Variants in MYO9A observed in about 807,000 individuals in gnomAD.
MYO9A encodes the protein myosin IXA, also known as unconventional myosin-IXa.
In MYO9A, 103 loss-of-function variants were observed where a neutral mutation model predicts 293.3. The observed-to-expected ratio is 0.35, with a 90% CI of 0.30 to 0.41. The LOEUF is 0.41. MYO9A is among the 10% of genes least tolerant of loss of function. MYO9A has a pLI of 1.00. For synonymous variants in MYO9A, 1,001 were observed against 1,035.7 expected, an observed-to-expected ratio of 0.97 and a Z score of 0.64; for missense variants, 2,685 against 3,033.0, an observed-to-expected ratio of 0.89 and a Z score of 2.69.
intron 11 of MYO9A, among the ~76,000 whole-genome samples, chr15:71,989,263 G>A (rs770947042): frequency 2.0e-5 from 3 of 151,646 alleles, no homozygotes; most frequent in African/African-American, 7.3e-5. Context: ...ACCCATCTTG[G>A]TCTCTCCATA....
chr15:72,084,145 T>C (rs890114100), intron 1 of MYO9A, among the ~76,000 whole-genome samples: 5 of 152,234 alleles, frequency 3.3e-5, no homozygotes, highest in African/African-American at 1.2e-4. Context: ...TGAAGGTCTC[T>C]GAGAACTTGC....
intron 1 of MYO9A, among the ~76,000 whole-genome samples, chr15:72,070,452 C>CAAA (rs75023888): frequency 1.0e-5 from 1 of 97,524 alleles, no homozygotes; most frequent in Non-Finnish European, 2.2e-5. Flanking sequence ...GACTCTGCCT[C>CAAA]AAAAAAAAAA....
chr15:71,999,391 C>CA (rs1244168245), intron 9 of MYO9A, among the ~76,000 whole-genome samples: 5 of 151,476 alleles, frequency 3.3e-5, no homozygotes, highest in Admixed American at 2.0e-4. Context: ...GAAGAAGAAA[C>CA]AAAGACTGCG....
intron 1 of MYO9A, among the ~76,000 whole-genome samples, chr15:72,082,988 T>G (rs2079598950): frequency 6.6e-6 from 1 of 151,682 alleles, no homozygotes; most frequent in African/African-American, 2.4e-5. Context: ...CAATTTTTTT[T>G]GTTGTGTCTC....
chr15:72,101,205 C>T (rs2080296440), intron 1 of MYO9A, among the ~76,000 whole-genome samples: 1 of 130,634 alleles, frequency 7.7e-6, no homozygotes, highest in Non-Finnish European at 1.7e-5. Context: ...AGTGAGGAGC[C>T]CCTCTGCCCG....
chr15:72,043,640 C>G (rs765408322), intron 2 of MYO9A, among the ~76,000 whole-genome samples: 2 of 152,132 alleles, frequency 1.3e-5, no homozygotes, highest in Non-Finnish European at 2.9e-5. Context: ...AAAATGCATA[C>G]TAATCTACAG....
Position 72,118,105 on chromosome 15 carries a change from C to T in MYO9A, c.-497G>A. On this transcript the variant is annotated 5_prime_UTR_variant, in exon 1 of 42. Transcript: ENST00000356056. ...GCGCCCCCGACCCCGCGCACGCGGC[C>T]CCGCCCCGCGCGACTCCCCGGCTGC... The T allele has an allele frequency of 2.6e-6, 1 of 390,400 alleles. No homozygotes were observed. The highest frequency in any genetic ancestry group is 4.5e-6 in the Non-Finnish European group (1 of 220,926). The allele number at this position is 390,400 out of a possible 1,614,324, so 24.2% of individuals were successfully genotyped here.
rs549580101 is a variant in MYO9A at position 71,827,935 on chromosome 15, T to A, written c.7132A>T (p.Ser2378Cys). 12 of 1,613,914 alleles carry A rather than the reference T, an allele frequency of 7.4e-6. No individual in the cohort carries two copies. The South Asian group carries it at 1.3e-4, about 18-fold the overall frequency. ...GACTCCATATTCAAATTCTCTGAGC[T>A]ATCAGCAGTCCCAATGGAGGCCTCA... The part of the protein sequence containing the change: ...ESEASIGTAD[S>C]SENLNMESEY... Residue 2378 changes from serine to cysteine, a missense_variant, in exon 41 of 42, where the codon AGC becomes TGC. Physicochemically the swap from Ser to Cys is moderately radical, Grantham distance 112. Transcript: ENST00000356056.
intron 4 of MYO9A, among the ~76,000 whole-genome samples, chr15:72,021,382 C>G (rs1309185928): frequency 6.6e-6 from 1 of 152,166 alleles, no homozygotes. Flanking sequence ...AGAGCTAAAT[C>G]TCAATAAAAA....
chr15:72,101,972 C>A (rs1260680062), intron 1 of MYO9A, among the ~76,000 whole-genome samples: 335 of 151,610 alleles, frequency 2.2e-3, no homozygotes, highest in South Asian at 4.6e-3. Context: ...CCGGCCACCA[C>A]CCCGTCTGGG....
rs1439059764 is a variant in MYO9A, at chr15:71,830,290, C to T, written c.6859G>A (p.Gly2287Arg). Residue 2287 changes from glycine (G) to arginine (R), a missense_variant, in exon 40 of 42, where the codon GGA becomes AGA. By Grantham distance (125) the Gly-to-Arg change is moderately radical (BLOSUM62 -2). Around this residue, in one of 10 missense-constraint regions of MYO9A, gnomAD observed 350 missense variants for 328.9 expected, o/e 1.06. Coordinates refer to ENST00000356056, the MANE Select transcript of MYO9A (RefSeq NM_006901.4). ...GGAGACGATGGACCTGGATAGTTTC[C>T]TCGACGAATACGCCCCTTTCCCTGC... ...RSMGKGRIRR[G>R]NYPGPSSPVV... is the part of the protein sequence containing the mutation. 1.2e-6 allele frequency: 2 copies of T among 1,613,382 alleles called. No individual in the cohort carries two copies. The highest frequency in any genetic ancestry group is 1.7e-6 in the Non-Finnish European group (2 of 1,179,780).
intron 7 of MYO9A, among the ~76,000 whole-genome samples, chr15:72,008,199 T>C (rs1201815356): frequency 2.6e-5 from 4 of 152,214 alleles, no homozygotes; most frequent in African/African-American, 9.6e-5. Flanking sequence ...ACTTCTGCTA[T>C]TGCCTGAATT....
At chr15:71,912,691 T>C (rs189742507) in intron 19 of MYO9A, among the ~76,000 whole-genome samples, 50 of 152,380 alleles carry the variant, frequency 3.3e-4, no homozygotes, top group African/African-American at 1.1e-3. Context: ...ATTATAGATC[T>C]GCTGGTAATA....
At chr15:71,929,504 G>A (rs896633740) in intron 18 of MYO9A, among the ~76,000 whole-genome samples, 1 of 152,152 alleles carries the variant, frequency 6.6e-6, no homozygotes. Context: ...ATGACAGGTT[G>A]AATTTTGTCA....
Position 71,935,434 on chromosome 15 carries a change from C to G in MYO9A, c.2429G>C (p.Arg810Thr), listed in dbSNP as rs774202669. The change falls in exon 17 of 42, where the codon AGA becomes ACA. Residue 810 changes from arginine to threonine, a missense_variant. By Grantham distance (71) the Arg-to-Thr change is moderately conservative (BLOSUM62 -1). Transcript: ENST00000356056. The stretch of plus-strand genomic sequence containing the variant: ...AAGCAAGGAGGTGCCACTTGATAGT[C>G]TGCTCTGGCGAATCCCAGTTCTGCC... ...WNGRTGIRQS[R>T]LSSGTSLLDK... 1 of 1,613,652 alleles carries G rather than the reference C, an allele frequency of 6.2e-7. No homozygotes were observed. The highest frequency in any genetic ancestry group is 8.5e-7 in the Non-Finnish European group (1 of 1,179,668).
chr15:71,920,961 G>T (rs998623459), intron 18 of MYO9A, among the ~76,000 whole-genome samples: 1 of 152,046 alleles, frequency 6.6e-6, no homozygotes, highest in African/African-American at 2.4e-5. Flanking sequence ...ATAACTTCAA[G>T]ATTTGAGCCC....
rs1555490908 is a variant in MYO9A at position 71,956,328 on chromosome 15, A to ATTATATATATAT, written c.2182+3572_2182+3573insATATATATATAA. On this transcript the variant is annotated intron_variant, in intron 14 of 41. Coordinates refer to ENST00000356056, the MANE Select transcript of MYO9A (RefSeq NM_006901.4). The stretch of plus-strand genomic sequence containing the variant: ...CGGCTCTTAAAAAAAAAAAAAAAAA[A>ATTATATATATAT]AAATATATATATATATATATATAAA... Among the ~76,000 whole-genome samples, 72 of 15,176 alleles carry ATTATATATATAT rather than the reference A, an allele frequency of 4.7e-3. 3 individuals carry two copies. The highest frequency in any genetic ancestry group is 6.7e-3 in the Non-Finnish European group (35 of 5,228). The allele number at this position is 15,176 out of a possible 152,430, so 10.0% of individuals were successfully genotyped here.
intron 32 of MYO9A, among the ~76,000 whole-genome samples, chr15:71,875,437 C>A (rs1302029516): frequency 6.6e-6 from 1 of 152,130 alleles, no homozygotes; most frequent in Non-Finnish European, 1.5e-5. Flanking sequence ...TCAGAAATGT[C>A]TTTTGAATTG....
At chr15:71,904,137 C>T in intron 20 of MYO9A, 98 bp from the exon 21 acceptor site, 1 of 946,924 alleles carries the variant, frequency 1.1e-6, no homozygotes, top group Non-Finnish European at 1.6e-6. Context: ...TAGAGATTGA[C>T]TGGAGGTTGT....
Sources: allele counts gnomAD v4.1 joint callset (sites outside exome capture counted in the v4.1 genomes callset), GRCh38; gene constraint gnomAD v4.1.1; regional missense constraint gnomAD v4.1.1; transcripts MANE v1.5; gene names NCBI Gene and HGNC (gene_info 2026-07-23, HGNC 2026-07-21).